The following IGSF10 variants were observed in gnomAD, a reference collection of about 807,000 sequenced individuals.
IGSF10 encodes the protein calvaria mechanical force protein 608.
In IGSF10, 126 loss-of-function variants were observed where a neutral mutation model predicts 128.2. The observed-to-expected ratio is 0.98, with a 90% CI of 0.85 to 1.14. IGSF10 has a LOEUF of 1.14. Among genes scored for constraint, IGSF10 ranks in the 50% most tolerant of loss-of-function variants. IGSF10 has a pLI of 0.00. For missense variants in IGSF10, 3,295 were observed against 3,149.8 expected (o/e 1.05, Z -1.10); for synonymous variants, 1,185 against 1,146.2 (o/e 1.03, Z -0.68).
the IGSF10 span, among the ~76,000 whole-genome samples, chr3:151,607,578 A>T: frequency 6.6e-6 from 1 of 152,280 alleles, no homozygotes; most frequent in African/African-American, 2.4e-5. Flanking sequence ...GTATGTAATT[A>T]ACTTTAAAAG....
the IGSF10 span, among the ~76,000 whole-genome samples, chr3:151,482,057 G>A: frequency 6.6e-6 from 1 of 152,082 alleles, no homozygotes; most frequent in Non-Finnish European, 1.5e-5. Context: ...AATTCCCTAT[G>A]AAAGCCAATC....
the IGSF10 span, among the ~76,000 whole-genome samples, chr3:151,572,124 G>C: frequency 6.6e-6 from 1 of 152,148 alleles, no homozygotes; most frequent in African/African-American, 2.4e-5. Context: ...CGGTTTGCCG[G>C]TATTTTATTG....
At chr3:151,572,029 T>C in the IGSF10 span, among the ~76,000 whole-genome samples, 1 of 152,314 alleles carries the variant, frequency 6.6e-6, no homozygotes, top group African/African-American at 2.4e-5. Context: ...CGTTTATTGG[T>C]TTGCGTATGT....
the IGSF10 span, among the ~76,000 whole-genome samples, chr3:151,550,067 T>G: frequency 1.3e-5 from 2 of 152,082 alleles, no homozygotes; most frequent in African/African-American, 4.8e-5. Flanking sequence ...ATATAAAAAA[T>G]AAAATTGAGA....
the IGSF10 span, among the ~76,000 whole-genome samples, chr3:151,508,670 A>G: frequency 1.3e-5 from 2 of 152,286 alleles, no homozygotes; most frequent in East Asian, 3.9e-4. Flanking sequence ...TACAAAATCA[A>G]ATTTCAGCTT....
chr3:151,484,322 C>A, the IGSF10 span, among the ~76,000 whole-genome samples: 2 of 151,984 alleles, frequency 1.3e-5, no homozygotes, highest in South Asian at 2.1e-4. Flanking sequence ...TAGATAAAAA[C>A]CCCCACCTCC....
At chr3:151,617,198 T>TTCC in the IGSF10 span, among the ~76,000 whole-genome samples, 1 of 129,472 alleles carries the variant, frequency 7.7e-6, no homozygotes, top group South Asian at 2.8e-4. Flanking sequence ...TCCTCCTTCT[T>TTCC]TCCTCCTCCT....
At chr3:151,577,703 C>CT in the IGSF10 span, among the ~76,000 whole-genome samples, 8 of 151,184 alleles carry the variant, frequency 5.3e-5, no homozygotes, top group Admixed American at 2.0e-4. Context: ...GTAACTCTTT[C>CT]TTTTTTTTTC....
At chr3:151,582,881 ATT>A in the IGSF10 span, among the ~76,000 whole-genome samples, 1 of 152,212 alleles carries the variant, frequency 6.6e-6, no homozygotes, top group African/African-American at 2.4e-5. Flanking sequence ...TTTTCTAAAT[ATT>A]CTTTATCAGT....
In IGSF10 at chr3:151,438,004, G is replaced by C; in HGVS notation, c.6557C>G (p.Ser2186Cys). The C allele has an allele frequency of 6.2e-7, 1 of 1,614,210 alleles. No homozygotes were observed. The highest frequency in any genetic ancestry group is 1.7e-5 in the Admixed American group (1 of 60,032). ...GGCATGAAATGTGTACCTATCAATG[G>C]AGAAGGAAATCATGTCATTGGAAGG... ...LLPSNDMISF[S>C]IDRYTFHANG... Residue 2186 changes from serine (S) to cysteine (C), a missense_variant, in exon 8 of 8, where the codon TCC (serine) becomes TGC (cysteine). Transcript: ENST00000282466.
At chr3:151,604,626 C>CACATAT in the IGSF10 span, among the ~76,000 whole-genome samples, 3 of 121,546 alleles carry the variant, frequency 2.5e-5, no homozygotes, top group South Asian at 6.2e-4. Flanking sequence ...CACACACACA[C>CACATAT]ATATATATAT....
At chr3:151,608,173 T>C in the IGSF10 span, among the ~76,000 whole-genome samples, 1 of 152,142 alleles carries the variant, frequency 6.6e-6, no homozygotes, top group African/African-American at 2.4e-5. Context: ...CTTTAGCATA[T>C]CCTTTTGAAG....
At position 151,438,114 on chromosome 3, in the gene IGSF10, G is replaced by A. The variant is rs115902666; in HGVS notation, c.6447C>T (p.Thr2149=). ...AAPRIRQSNK[T]NKRIKAGDTA... is the part of the protein sequence containing the mutation. ...TGTCTCCAGCTTTGATTCTCTTGTT[G>A]GTTTTGTTACTCTGCCTTATCCGGG... The change falls in exon 8 of 8, where the codon ACC becomes ACT. Residue 2149 remains threonine (T), a synonymous_variant. Coordinates refer to ENST00000282466, the MANE Select transcript of IGSF10 (RefSeq NM_178822.5). 6.0e-4 allele frequency: 976 copies of A among 1,614,144 alleles called. 3 individuals are homozygous for A. In the African/African-American group the frequency reaches 0.012, roughly 20 times the overall value.
chr3:151,432,744 C>T (rs750353635), downstream of IGSF10: 5 of 1,611,400 alleles, frequency 3.1e-6, no homozygotes, highest in Non-Finnish European at 3.4e-6. Flanking sequence ...ATTTATTTTT[C>T]TCCTTAGGCA....
At chr3:151,510,478 A>G in the IGSF10 span, among the ~76,000 whole-genome samples, 12 of 152,192 alleles carry the variant, frequency 7.9e-5, no homozygotes, top group Non-Finnish European at 1.8e-4. Flanking sequence ...CGTCACCATC[A>G]AAGACCAAAG....
chr3:151,581,998 A>G, the IGSF10 span, among the ~76,000 whole-genome samples: 2 of 152,052 alleles, frequency 1.3e-5, no homozygotes, highest in South Asian at 4.1e-4. Context: ...CCCGGGAGGC[A>G]GAGGTTGCAG....
chr3:151,504,356 A>G, the IGSF10 span, among the ~76,000 whole-genome samples: 1 of 152,222 alleles, frequency 6.6e-6, no homozygotes, highest in African/African-American at 2.4e-5. Context: ...AAATTCTAAC[A>G]TGTTTAATCA....
chr3:151,575,708 G>A, the IGSF10 span, among the ~76,000 whole-genome samples: 3 of 152,096 alleles, frequency 2.0e-5, no homozygotes, highest in Non-Finnish European at 2.9e-5. Context: ...ACCGTGCTTC[G>A]GCTCACCCTC....
At chr3:151,462,056 T>C (rs1181054184), upstream of IGSF10, among the ~76,000 whole-genome samples, 1 of 152,096 alleles carries the variant, frequency 6.6e-6, no homozygotes, top group Non-Finnish European at 1.5e-5. Context: ...AACCCTACCA[T>C]CTGGAGGCAG....
Sources: allele counts gnomAD v4.1 joint callset (sites outside exome capture counted in the v4.1 genomes callset), GRCh38; gene constraint gnomAD v4.1.1; transcripts MANE v1.5; gene names NCBI Gene and HGNC (gene_info 2026-07-23, HGNC 2026-07-21).